The following KIAA1549L variants were observed in gnomAD, a reference collection of about 807,000 sequenced individuals.
KIAA1549L encodes KIAA1549 like.
A neutral mutation model predicts 160.7 loss-of-function variants in KIAA1549L; 88 were observed. The ratio of observed to expected loss-of-function variants is 0.55; its 90% CI spans 0.46 to 0.65. The LOEUF is 0.65. Among genes scored for constraint, KIAA1549L ranks in the 30% least tolerant of loss-of-function variants. The pLI is 0.00. For synonymous variants in KIAA1549L, 950 were observed against 976.7 expected, an observed-to-expected ratio of 0.97 and a Z score of 0.51; for missense variants, 2,258 against 2,437.5, an observed-to-expected ratio of 0.93 and a Z score of 1.55.
intron 1 of KIAA1549L, among the ~76,000 whole-genome samples, chr11:33,534,676 C>T (rs558611116): frequency 3.3e-5 from 5 of 152,066 alleles, no homozygotes; most frequent in Non-Finnish European, 7.3e-5. Context: ...TTGCAAAGCT[C>T]TGTTTTCTCT....
At chr11:33,593,927 T>C (rs895163704) in intron 12 of KIAA1549L, among the ~76,000 whole-genome samples, 3 of 151,856 alleles carry the variant, frequency 2.0e-5, no homozygotes. Context: ...AGAGTACAGA[T>C]AGAGAAAAGA....
At position 33,462,918 on chromosome 11, in the gene KIAA1549L, T is replaced by C. The variant is rs180929438; in HGVS notation, c.239-78884T>C. Reference sequence around the variant, plus strand: ...GGCATAATCATAGTTTACTGCAGCTTCAACTTAAGTGATTCCTCCCACCTC... The same window carrying C: ...GGCATAATCATAGTTTACTGCAGCTCCAACTTAAGTGATTCCTCCCACCTC... On this transcript the variant is annotated intron_variant, in intron 1 of 20. Coordinates refer to ENST00000658780, the MANE Select transcript of KIAA1549L (RefSeq NM_012194.3). Among the ~76,000 whole-genome samples the C allele has an allele frequency of 3.7e-3, 566 of 152,174 alleles. 4 individuals are homozygous for C. Among genetic ancestry groups the C allele is most frequent in the African/African-American group, 0.013 (547 of 41,540 alleles).
At chr11:33,634,246 T>C (rs1164549786) in intron 16 of KIAA1549L, among the ~76,000 whole-genome samples, 2 of 151,642 alleles carry the variant, frequency 1.3e-5, no homozygotes. Context: ...TTTCACCAGG[T>C]TGGGCAGGCT....
chr11:33,410,854 G>A (rs1850771572), intron 1 of KIAA1549L, among the ~76,000 whole-genome samples: 2 of 152,220 alleles, frequency 1.3e-5, no homozygotes, highest in Admixed American at 6.5e-5. Flanking sequence ...TGAATTGTTT[G>A]GAGAGAGCTA....
chr11:33,639,326 C>T (rs191020111), intron 16 of KIAA1549L, among the ~76,000 whole-genome samples: 1 of 152,142 alleles, frequency 6.6e-6, no homozygotes. Context: ...GGTGCTTCCT[C>T]TATCCAATGG....
intron 9 of KIAA1549L, among the ~76,000 whole-genome samples, chr11:33,568,470 A>G (rs1180877804): frequency 6.6e-6 from 1 of 152,202 alleles, no homozygotes; most frequent in Non-Finnish European, 1.5e-5. Context: ...AACACAAGGA[A>G]GTCTCGGTAC....
intron 10 of KIAA1549L, among the ~76,000 whole-genome samples, chr11:33,577,253 GAGA>G (rs1476169479): frequency 1.3e-5 from 2 of 152,250 alleles, no homozygotes; most frequent in Non-Finnish European, 2.9e-5. Flanking sequence ...CAAATGGGCT[GAGA>G]AGAAGAACAA....
intron 1 of KIAA1549L, among the ~76,000 whole-genome samples, chr11:33,522,337 T>TA (rs1256122646): frequency 2.6e-5 from 4 of 152,180 alleles, no homozygotes; most frequent in African/African-American, 9.7e-5. Context: ...CAGTAAAACT[T>TA]ACATCTAATC....
At chr11:33,379,418 G>A (rs757335682) in intron 1 of KIAA1549L, among the ~76,000 whole-genome samples, 10 of 152,078 alleles carry the variant, frequency 6.6e-5, no homozygotes, top group Non-Finnish European at 1.2e-4. Context: ...TCCGTCTTCC[G>A]TCTTGCTTCC....
At chr11:33,563,014 A>C (rs1294359749) in intron 8 of KIAA1549L, among the ~76,000 whole-genome samples, 2 of 151,898 alleles carry the variant, frequency 1.3e-5, no homozygotes, top group Non-Finnish European at 2.9e-5. Context: ...ACCTGTCTCC[A>C]AATACAGTCA....
chr11:33,389,770 T>C (rs1242199391), intron 1 of KIAA1549L, among the ~76,000 whole-genome samples: 2 of 152,232 alleles, frequency 1.3e-5, no homozygotes, highest in East Asian at 3.8e-4. Flanking sequence ...CAGTTCACGG[T>C]TGTCGAAGCT....
At chr11:33,607,111 C>T (rs1010820145) in intron 14 of KIAA1549L, among the ~76,000 whole-genome samples, 12 of 152,078 alleles carry the variant, frequency 7.9e-5, no homozygotes, top group Admixed American at 1.3e-4. Context: ...GCTCCCCGAC[C>T]CCCTCACACA....
At chr11:33,595,241 T>C (rs1850166875) in intron 12 of KIAA1549L, among the ~76,000 whole-genome samples, 1 of 152,232 alleles carries the variant, frequency 6.6e-6, no homozygotes, top group Admixed American at 6.5e-5. Flanking sequence ...ATTTTTTCTT[T>C]TTCGAGACAG....
At position 33,543,457 on chromosome 11, in the gene KIAA1549L, A is replaced by G. The variant is rs1470975165; in HGVS notation, c.1894A>G (p.Ile632Val). 6.2e-7 allele frequency: 1 copy of G among 1,613,970 alleles called. No individual in the cohort carries two copies. The highest frequency in any genetic ancestry group is 8.5e-7 in the Non-Finnish European group (1 of 1,179,864). The change falls in exon 2 of 21, where the codon ATA (isoleucine) becomes GTA (valine). Residue 632 changes from isoleucine (I) to valine (V), a missense_variant. Physicochemically the swap from Ile to Val is conservative, Grantham distance 29. Transcript: ENST00000658780. The stretch of plus-strand genomic sequence containing the variant: ...ACCACCTCTACCTTCCATACTCTCC[A>G]TACAAGCCACCCAGACTGTTTTCCC... ...SGPPLPSILS[I>V]QATQTVFPSL...
chr11:33,546,679 C>T (rs1265967586), intron 3 of KIAA1549L, among the ~76,000 whole-genome samples: 4 of 152,134 alleles, frequency 2.6e-5, no homozygotes, highest in Admixed American at 2.6e-4. Context: ...ACTCATTTCC[C>T]ATTGCCCTTA....
chr11:33,430,778 T>C (rs1851222455), intron 1 of KIAA1549L, among the ~76,000 whole-genome samples: 3 of 152,180 alleles, frequency 2.0e-5, no homozygotes, highest in Non-Finnish European at 4.4e-5. Context: ...AGGAGGTATT[T>C]CTGTTTTGTT....
At chr11:33,580,571 CA>C (rs368467299) in intron 10 of KIAA1549L, among the ~76,000 whole-genome samples, 583 of 52,522 alleles carry the variant, frequency 0.011, 4 homozygotes, top group East Asian at 0.026. Flanking sequence ...GATTCTGCCT[CA>C]AAAAAAAAAA....
chr11:33,430,426 G>C (rs1330151401), intron 1 of KIAA1549L, among the ~76,000 whole-genome samples: 2 of 152,290 alleles, frequency 1.3e-5, no homozygotes, highest in East Asian at 1.9e-4. Context: ...ATTTCAACAT[G>C]TAGGGAAACT....
intron 1 of KIAA1549L, among the ~76,000 whole-genome samples, chr11:33,431,729 C>G (rs1277784078): frequency 6.6e-6 from 1 of 152,272 alleles, no homozygotes; most frequent in Non-Finnish European, 1.5e-5. Flanking sequence ...CTGCCAGTCC[C>G]AGTGCTGTGC....
Sources: allele counts gnomAD v4.1 joint callset (sites outside exome capture counted in the v4.1 genomes callset), GRCh38; gene constraint gnomAD v4.1.1; transcripts MANE v1.5; gene names NCBI Gene and HGNC (gene_info 2026-07-23, HGNC 2026-07-21).